RHOA: variants seen among roughly 807,000 people sequenced by gnomAD.
The protein encoded by RHOA is ras homolog family member A, also known as transforming protein RhoA.
A neutral mutation model predicts 17.5 loss-of-function variants in RHOA; 3 were observed. The ratio of observed to expected loss-of-function variants is 0.17; its 90% CI spans 0.08 to 0.44. The LOEUF is 0.44. Among genes scored for constraint, RHOA ranks in the 20% least tolerant of loss-of-function variants. The pLI is 0.99. For synonymous variants in RHOA, 98 were observed against 88.4 expected, an observed-to-expected ratio of 1.11 and a Z score of -0.61; for missense variants, 56 against 242.3, an observed-to-expected ratio of 0.23 and a Z score of 5.10.
intron 1 of RHOA, among the ~76,000 whole-genome samples, chr3:49,389,294 G>A (rs552212647): frequency 1.1e-4 from 17 of 151,378 alleles, no homozygotes; most frequent in Non-Finnish European, 2.2e-4. Flanking sequence ...CAGCCTGGGC[G>A]ACAAAGCGAG....
At chr3:49,369,844 G>C (rs965324950) in intron 2 of RHOA, among the ~76,000 whole-genome samples, 2 of 152,200 alleles carry the variant, frequency 1.3e-5, no homozygotes, top group Non-Finnish European at 2.9e-5. Context: ...AAGGCGGGCG[G>C]ATCACCTGAA....
chr3:49,398,826 C>T (rs1482281758), intron 1 of RHOA, among the ~76,000 whole-genome samples: 7 of 106,016 alleles, frequency 6.6e-5, no homozygotes, highest in East Asian at 5.9e-4. Flanking sequence ...AGCGACACAG[C>T]GAGACTCCGT....
intron 1 of RHOA, among the ~76,000 whole-genome samples, chr3:49,411,134 G>T (rs773724913): frequency 7.9e-5 from 12 of 151,862 alleles, no homozygotes; most frequent in Non-Finnish European, 1.5e-4. Context: ...ATCATTTACA[G>T]TTTTGTGTGT....
chr3:49,385,217 CT>C (rs1362286082), intron 1 of RHOA, among the ~76,000 whole-genome samples: 2 of 150,450 alleles, frequency 1.3e-5, no homozygotes, highest in African/African-American at 4.9e-5. Context: ...CATTGCCCCC[CT>C]ACCTTTTTTT....
chr3:49,402,484 G>A (rs2048741935), intron 1 of RHOA, among the ~76,000 whole-genome samples: 2 of 152,040 alleles, frequency 1.3e-5, no homozygotes, highest in Non-Finnish European at 1.5e-5. Context: ...GACCAGCCTG[G>A]ACAACATGGC....
intron 3 of RHOA, 109 bp downstream of exon 3, chr3:49,368,319 G>C: frequency 7.2e-7 from 1 of 1,380,214 alleles, no homozygotes; most frequent in Admixed American, 1.9e-5. Context: ...CACTGACGAT[G>C]ATTGCTTCTC....
intron 3 of RHOA, among the ~76,000 whole-genome samples, chr3:49,363,280 T>A (rs1423337465): frequency 2.6e-5 from 4 of 151,244 alleles, no homozygotes; most frequent in Non-Finnish European, 5.9e-5. Context: ...ATTAGCCGGG[T>A]GTAGTGGTGG....
intron 4 of RHOA, 91 bp from the exon 5 acceptor site, chr3:49,360,473 TTTTC>T: frequency 7.1e-7 from 1 of 1,407,646 alleles, no homozygotes; most frequent in Non-Finnish European, 9.5e-7. Flanking sequence ...AAAGATTTTT[TTTTC>T]TTTTTTTGAG....
At chr3:49,403,295 G>A (rs1039682566) in intron 1 of RHOA, among the ~76,000 whole-genome samples, 14 of 151,992 alleles carry the variant, frequency 9.2e-5, no homozygotes, top group Admixed American at 2.0e-4. Context: ...CCAAGATTGC[G>A]GCACTGCACT....
chr3:49,383,911 T>A (rs1353827325), intron 1 of RHOA, among the ~76,000 whole-genome samples: 1 of 152,052 alleles, frequency 6.6e-6, no homozygotes, highest in Non-Finnish European at 1.5e-5. Flanking sequence ...CTGCCTGTAA[T>A]CCCAGCTACT....
intron 1 of RHOA, among the ~76,000 whole-genome samples, chr3:49,398,524 G>A (rs1249975895): frequency 6.6e-6 from 1 of 151,712 alleles, no homozygotes; most frequent in African/African-American, 2.4e-5. Flanking sequence ...CCCCAGTGGG[G>A]GCTTAAAGAA....
intron 1 of RHOA, among the ~76,000 whole-genome samples, chr3:49,409,376 C>T (rs1249317935): frequency 1.3e-5 from 2 of 152,052 alleles, no homozygotes. Flanking sequence ...GCCTGGGCAA[C>T]AGAGTGAGAC....
chr3:49,394,334 TCTC>T (rs749097741), intron 1 of RHOA, among the ~76,000 whole-genome samples: 2 of 151,400 alleles, frequency 1.3e-5, no homozygotes, highest in Non-Finnish European at 2.9e-5. Flanking sequence ...CCCCGACTGG[TCTC>T]ATACAAACCA....
At chr3:49,406,074 G>A (rs1368387944) in intron 1 of RHOA, among the ~76,000 whole-genome samples, 3 of 152,070 alleles carry the variant, frequency 2.0e-5, no homozygotes, top group Non-Finnish European at 4.4e-5. Context: ...ATTTCATCCA[G>A]AAAAGAAATT....
intron 1 of RHOA, among the ~76,000 whole-genome samples, chr3:49,386,342 T>C (rs1211001581): frequency 6.6e-6 from 1 of 152,170 alleles, no homozygotes; most frequent in Non-Finnish European, 1.5e-5. Flanking sequence ...ACCACTACTT[T>C]GTAGAAGAGG....
rs966675633 is a variant in RHOA at position 49,359,316 on chromosome 3, G to C, written c.*893C>G. 1 of 194,320 alleles carries C rather than the reference G, an allele frequency of 5.1e-6. No individual in the cohort carries two copies. The highest frequency in any genetic ancestry group is 1.1e-5 in the Non-Finnish European group (1 of 93,024). 12.0% of individuals were successfully genotyped at this position (194,320 alleles called of 1,614,324 possible). On this transcript the variant is annotated 3_prime_UTR_variant, in exon 5 of 5. Coordinates refer to ENST00000418115, the MANE Select transcript of RHOA (RefSeq NM_001664.4). ...AAAAGAGCACTGTGAATTAGAGCCA[G>C]ATGCTTAAGTCCAGGTGAGACAGGT...
chr3:49,388,310 G>T (rs918130645), intron 1 of RHOA, among the ~76,000 whole-genome samples: 26 of 152,074 alleles, frequency 1.7e-4, no homozygotes, highest in Non-Finnish European at 2.6e-4. Flanking sequence ...CAAAGTGGTG[G>T]GATTATAATA....
chr3:49,407,874 A>C (rs1481428834), intron 1 of RHOA, among the ~76,000 whole-genome samples: 1 of 152,146 alleles, frequency 6.6e-6, no homozygotes, highest in Non-Finnish European at 1.5e-5. Flanking sequence ...AAATATGCTT[A>C]AATATGGCCA....
rs2107829960 is a variant in RHOA, at chr3:49,362,524, G to A, written c.380C>T (p.Thr127Ile). The change falls in exon 4 of 5, where the codon ACA becomes ATA. Residue 127 changes from threonine (T) to isoleucine (I), a missense_variant. Coordinates refer to ENST00000418115, the MANE Select transcript of RHOA (RefSeq NM_001664.4). The stretch of plus-strand genomic sequence containing the variant: ...CTTCATCTTGGCTAGCTCCCGCCTT[G>A]TGTGCTCATCATTCCGAAGATCCTT... ...NKKDLRNDEH[T>I]RRELAKMKQE... 6.2e-7 allele frequency: 1 copy of A among 1,613,262 alleles called. No individual in the cohort carries two copies. Among genetic ancestry groups the A allele is most frequent in the Non-Finnish European group, 8.5e-7 (1 of 1,179,592 alleles).
Sources: gnomAD v4.1 joint callset for allele counts (sites outside exome capture counted in the v4.1 genomes callset) on GRCh38, gnomAD v4.1.1 for gene constraint, MANE v1.5 for transcripts, NCBI Gene and HGNC (gene_info 2026-07-23, HGNC 2026-07-21) for gene names.